The following ZBTB20 variants were observed in gnomAD, a reference collection of about 807,000 sequenced individuals.
ZBTB20 encodes the protein zinc finger and BTB domain-containing protein 20.
Under a neutral mutation model 56.9 loss-of-function variants are expected in ZBTB20, and 9 were observed. That is an observed-to-expected ratio of 0.16 (90% CI 0.10 to 0.28). The LOEUF (loss-of-function observed/expected upper bound fraction) is 0.28. Ranked by LOEUF, ZBTB20 falls within the 10% of genes least tolerant of loss-of-function variation. The pLI is 1.00. For synonymous variants in ZBTB20, 417 were observed against 420.7 expected (o/e 0.99, Z 0.11); for missense variants, 655 against 1,003.0 (o/e 0.65, Z 4.69).
At chr3:114,773,034 C>T (rs2069330491) in intron 5 of ZBTB20, among the ~76,000 whole-genome samples, 1 of 152,146 alleles carries the variant, frequency 6.6e-6, no homozygotes, top group Non-Finnish European at 1.5e-5. Context: ...CTGCTGCTGG[C>T]TCTGACATAT....
chr3:114,430,172 C>T (rs1440800060), intron 7 of ZBTB20, among the ~76,000 whole-genome samples: 9 of 152,160 alleles, frequency 5.9e-5, no homozygotes, highest in Admixed American at 5.9e-4. Flanking sequence ...ATTACCCAAG[C>T]ATTTCTCTTA....
chr3:114,782,181 C>T (rs2070153529), intron 5 of ZBTB20, among the ~76,000 whole-genome samples: 1 of 152,142 alleles, frequency 6.6e-6, no homozygotes, highest in Non-Finnish European at 1.5e-5. Context: ...AAGCCTTTAA[C>T]CTGCTGCTTT....
At chr3:114,363,879 T>C (rs1387735708) in intron 10 of ZBTB20, among the ~76,000 whole-genome samples, 29 of 152,194 alleles carry the variant, frequency 1.9e-4, no homozygotes, top group Admixed American at 1.9e-3. Flanking sequence ...ATTTCTAGGA[T>C]TGTCATTGTC....
At chr3:114,583,959 T>C (rs2054913368) in intron 6 of ZBTB20, among the ~76,000 whole-genome samples, 2 of 152,220 alleles carry the variant, frequency 1.3e-5, no homozygotes. Flanking sequence ...TTCATCTGAT[T>C]AAACATCTTT....
chr3:115,054,345 C>G (rs1332564111), intron 2 of ZBTB20, among the ~76,000 whole-genome samples: 4 of 152,066 alleles, frequency 2.6e-5, no homozygotes, highest in African/African-American at 9.7e-5. Flanking sequence ...ATTCTTTAAA[C>G]TTTTTTAATT....
rs1381386113 is a variant in ZBTB20 at position 114,337,729 on chromosome 3, T to C, written c.*1276A>G. 1 of 152,150 alleles carries C rather than the reference T, an allele frequency of 6.6e-6. No individual in the cohort carries two copies. Among genetic ancestry groups the C allele is most frequent in the Non-Finnish European group, 1.5e-5 (1 of 68,034 alleles). The allele number at this position is 152,150 out of a possible 1,614,324, so 9.4% of individuals were successfully genotyped here. On this transcript the variant is annotated 3_prime_UTR_variant, in exon 12 of 12. Coordinates refer to ENST00000675478, the MANE Select transcript of ZBTB20 (RefSeq NM_001348800.3). ...ATATGAAGAAAATATCCTTCCTCTC[T>C]TTCAAATATAACTTTAGTTGCCTTT...
chr3:115,077,391 G>A (rs1489102348), intron 1 of ZBTB20, among the ~76,000 whole-genome samples: 1 of 152,154 alleles, frequency 6.6e-6, no homozygotes, highest in Non-Finnish European at 1.5e-5. Context: ...AAGAGATGAT[G>A]AGCTGTTTGC....
chr3:114,624,549 G>A (rs2058541303), intron 6 of ZBTB20, among the ~76,000 whole-genome samples: 3 of 152,168 alleles, frequency 2.0e-5, no homozygotes, highest in African/African-American at 7.2e-5. Context: ...CTTGAATTCT[G>A]TTGGGAAGTT....
intron 11 of ZBTB20, among the ~76,000 whole-genome samples, chr3:114,345,705 TG>T (rs1560103366): frequency 6.6e-6 from 1 of 151,308 alleles, no homozygotes; most frequent in Non-Finnish European, 1.5e-5. Flanking sequence ...ATGTCTGGGG[TG>T]GGGGTGAAGG....
Position 114,335,348 on chromosome 3 carries a change from C to T in ZBTB20, c.*3657G>A, listed in dbSNP as rs1208404178. 2 of 152,036 alleles carry T rather than the reference C, an allele frequency of 1.3e-5. No individual in the cohort carries two copies. Among genetic ancestry groups the T allele is most frequent in the African/African-American group, 4.8e-5 (2 of 41,380 alleles). The allele number at this position is 152,036 out of a possible 1,614,324, so 9.4% of individuals were successfully genotyped here. A position where few individuals can be genotyped will look rare whatever the true frequency, so the allele number is the denominator to read the frequency against. ...CCATGAAGGTCTAAATGTAAGATGA[C>T]TGTAGGACTTGAAACAAAAAAAAAT... is the stretch of plus-strand genomic sequence containing the variant. On this transcript the variant is annotated 3_prime_UTR_variant, in exon 12 of 12. Transcript: ENST00000675478.
rs2076520631 is a variant in ZBTB20 at position 114,935,965 on chromosome 3, G to A, written c.-455-35623C>T. On this transcript the variant is annotated intron_variant, in intron 3 of 11. Coordinates refer to ENST00000675478, the MANE Select transcript of ZBTB20 (RefSeq NM_001348800.3). ...TCCATCCTCAAAATCAGAGAAAGGGGGGCTCATTCTAGAGGTAAATTTACA... is the reference window on the plus strand; with the variant it reads ...TCCATCCTCAAAATCAGAGAAAGGGAGGCTCATTCTAGAGGTAAATTTACA... Among the ~76,000 whole-genome samples the A allele has an allele frequency of 2.0e-5, 3 of 152,082 alleles. No homozygotes were observed. In the South Asian group the frequency reaches 6.2e-4, roughly 32 times the overall value.
chr3:114,538,244 C>T (rs187462453), intron 6 of ZBTB20, among the ~76,000 whole-genome samples: 64 of 152,240 alleles, frequency 4.2e-4, no homozygotes, highest in Middle Eastern at 3.4e-3. Flanking sequence ...TTAAGTGTTA[C>T]ATTTTTCATT....
rs189817386 is a variant in ZBTB20 at position 114,885,885 on chromosome 3, T to C, written c.-417+14419A>G. 5.9e-5 allele frequency among the ~76,000 whole-genome samples: 9 copies of C among 152,304 alleles called. No individual in the cohort carries two copies. In the East Asian group the frequency reaches 1.7e-3, roughly 29 times the overall value. On this transcript the variant is annotated intron_variant, in intron 4 of 11. Transcript: ENST00000675478. Reference sequence around the variant, plus strand: ...CAGTAGATGAGACCTATAATACTGGTTCTGATTAATTAATATAATCACTCT... The same window carrying C: ...CAGTAGATGAGACCTATAATACTGGCTCTGATTAATTAATATAATCACTCT...
chr3:114,647,838 T>C (rs1038428186), intron 6 of ZBTB20, among the ~76,000 whole-genome samples: 13 of 152,138 alleles, frequency 8.5e-5, no homozygotes, highest in Non-Finnish European at 1.5e-4. Context: ...AATCACTTGA[T>C]AAATAATCAG....
At chr3:114,902,867 A>G (rs1437041650) in intron 3 of ZBTB20, among the ~76,000 whole-genome samples, 1 of 152,190 alleles carries the variant, frequency 6.6e-6, no homozygotes, top group Non-Finnish European at 1.5e-5. Flanking sequence ...GGGAAAGAAA[A>G]GAAGATAGAG....
intron 4 of ZBTB20, among the ~76,000 whole-genome samples, chr3:114,848,732 T>G (rs1272364394): frequency 1.3e-5 from 2 of 152,208 alleles, no homozygotes; most frequent in Admixed American, 1.3e-4. Flanking sequence ...CTAATATTGC[T>G]TATGCTGTCC....
intron 6 of ZBTB20, among the ~76,000 whole-genome samples, chr3:114,558,052 A>G (rs906918785): frequency 2.6e-5 from 4 of 152,002 alleles, no homozygotes; most frequent in Non-Finnish European, 4.4e-5. Context: ...AACACAACAG[A>G]ATTTTTTCCT....
chr3:114,856,328 C>T (rs1263357873), intron 4 of ZBTB20, among the ~76,000 whole-genome samples: 1 of 151,958 alleles, frequency 6.6e-6, no homozygotes, highest in South Asian at 2.1e-4. Flanking sequence ...ATTCAGAAAC[C>T]ACAAAATGGC....
At chr3:115,146,879 G>A (rs984556920) in intron 1 of ZBTB20, among the ~76,000 whole-genome samples, 1 of 151,196 alleles carries the variant, frequency 6.6e-6, no homozygotes, top group East Asian at 1.9e-4. Flanking sequence ...GCTGCGGGAC[G>A]TCCCGCCCGC....
Sources: allele counts gnomAD v4.1 joint callset (sites outside exome capture counted in the v4.1 genomes callset), GRCh38; gene constraint gnomAD v4.1.1; transcripts MANE v1.5; gene names NCBI Gene and HGNC (gene_info 2026-07-23, HGNC 2026-07-21).